The following EPSTI1 variants were observed in gnomAD, a reference collection of about 807,000 sequenced individuals.
EPSTI1 encodes epithelial-stromal interaction protein 1.
In EPSTI1, 66 loss-of-function variants were observed where a neutral mutation model predicts 49.9. The ratio of observed to expected loss-of-function variants is 1.32; its 90% CI spans 1.08 to 1.62. The LOEUF is 1.62. Among genes scored for constraint, EPSTI1 ranks in the 40% most tolerant of loss-of-function variants. The probability of loss-of-function intolerance (pLI) is 0.00; values close to 1 mark genes in which losing one functional copy is unlikely to be tolerated. For synonymous variants in EPSTI1, 137 were observed against 130.7 expected, an observed-to-expected ratio of 1.05 and a Z score of -0.33; for missense variants, 394 against 365.5, an observed-to-expected ratio of 1.08 and a Z score of -0.64.
intron 1 of EPSTI1, among the ~76,000 whole-genome samples, chr13:42,990,277 G>C (rs1444522663): frequency 6.6e-6 from 1 of 151,666 alleles, no homozygotes; most frequent in Non-Finnish European, 1.5e-5. Context: ...TCGCAAAATA[G>C]TGTACAGTGA....
intron 6 of EPSTI1, among the ~76,000 whole-genome samples, chr13:42,929,865 C>T (rs1477604854): frequency 6.6e-6 from 1 of 152,104 alleles, no homozygotes; most frequent in African/African-American, 2.4e-5. Flanking sequence ...TAGGGAAAGA[C>T]TTGGCAGATA....
At chr13:42,956,485 A>G (rs188428986) in intron 5 of EPSTI1, among the ~76,000 whole-genome samples, 211 of 152,340 alleles carry the variant, frequency 1.4e-3, no homozygotes, top group African/African-American at 4.9e-3. Flanking sequence ...TGTTCAGCCC[A>G]TGGGGTCCCA....
intron 4 of EPSTI1, 87 bp downstream of exon 4, chr13:42,963,979 A>T (rs1180624585): frequency 8.5e-7 from 1 of 1,180,730 alleles, no homozygotes; most frequent in Non-Finnish European, 1.2e-6. Context: ...TACTTTTGGT[A>T]AAGTTACTGT....
intron 6 of EPSTI1, among the ~76,000 whole-genome samples, chr13:42,939,311 T>C (rs1383739103): frequency 2.0e-5 from 3 of 152,214 alleles, no homozygotes; most frequent in African/African-American, 4.8e-5. Flanking sequence ...TTTGAGAACT[T>C]TTCTTTTGCT....
intron 6 of EPSTI1, among the ~76,000 whole-genome samples, chr13:42,928,057 C>T (rs2038239048): frequency 6.6e-6 from 1 of 152,218 alleles, no homozygotes; most frequent in Non-Finnish European, 1.5e-5. Context: ...CACAAAGCTG[C>T]CTGCAGAGCC....
chr13:42,991,041 C>G (rs925433793), intron 1 of EPSTI1: 1 of 152,264 alleles, frequency 6.6e-6, no homozygotes, highest in African/African-American at 2.4e-5. Flanking sequence ...AGCTACCTAT[C>G]TGTTCCTGCA....
At chr13:42,989,397 A>G (rs2040145913) in intron 1 of EPSTI1, among the ~76,000 whole-genome samples, 1 of 152,140 alleles carries the variant, frequency 6.6e-6, no homozygotes, top group South Asian at 2.1e-4. Context: ...ACTTGAACCC[A>G]GGTCTACCCA....
chr13:42,975,056 G>GA (rs1244311347), intron 1 of EPSTI1, among the ~76,000 whole-genome samples: 7 of 149,216 alleles, frequency 4.7e-5, no homozygotes, highest in South Asian at 2.1e-4. Flanking sequence ...TATATAAATT[G>GA]AAAAAAAAAG....
In EPSTI1 at chr13:42,961,567, T is replaced by C. The variant is rs560399338; in HGVS notation, c.489+1688A>G. Among the ~76,000 whole-genome samples, 3 of 152,316 alleles carry C rather than the reference T, an allele frequency of 2.0e-5. No individual in the cohort carries two copies. In the South Asian group the frequency reaches 6.2e-4, roughly 32 times the overall value. ...CCTGGGCCCCACTGACATGACTGGA[T>C]ACTAAAGAGCTGGTTGACTTTCACA... On this transcript the variant is annotated intron_variant, in intron 5 of 10. Coordinates refer to ENST00000313624, the MANE Select transcript of EPSTI1 (RefSeq NM_033255.5).
rs536166467 is a variant in EPSTI1 at position 42,932,166 on chromosome 13, C to T, written c.564-5737G>A. 1.8e-4 allele frequency among the ~76,000 whole-genome samples: 28 copies of T among 152,170 alleles called. 1 individual carries two copies. The highest frequency in any genetic ancestry group is 6.5e-4 in the African/African-American group (27 of 41,506). On this transcript the variant is annotated intron_variant, in intron 6 of 10. Transcript: ENST00000313624. ...CGGGCTGATCTCAAACTTCTGGCCT[C>T]AAGTGATCCTCCCACCTCAGCCTCC... is the stretch of plus-strand genomic sequence containing the variant.
intron 6 of EPSTI1, among the ~76,000 whole-genome samples, chr13:42,953,162 G>T (rs921530581): frequency 6.6e-5 from 10 of 151,534 alleles, no homozygotes; most frequent in African/African-American, 2.4e-4. Context: ...CATTTCAAGT[G>T]CCTGTAATAG....
intron 5 of EPSTI1, among the ~76,000 whole-genome samples, chr13:42,961,159 G>C (rs2039437115): frequency 1.3e-5 from 2 of 152,142 alleles, no homozygotes; most frequent in South Asian, 4.2e-4. Flanking sequence ...TTAGAATATG[G>C]GTGGTAGGGG....
intron 2 of EPSTI1, 117 bp downstream of exon 2, chr13:42,970,495 C>A: frequency 4.8e-6 from 4 of 837,344 alleles, no homozygotes; most frequent in African/African-American, 1.8e-5. Flanking sequence ...AAACAAAAAA[C>A]CTTGATGAGA....
At chr13:42,982,765 T>C (rs1566180993) in intron 1 of EPSTI1, among the ~76,000 whole-genome samples, 1 of 150,256 alleles carries the variant, frequency 6.7e-6, no homozygotes. Flanking sequence ...TCTGACCTTC[T>C]CCCATCTTTT....
At chr13:42,923,868 C>T (rs2038092608) in intron 7 of EPSTI1, among the ~76,000 whole-genome samples, 1 of 152,152 alleles carries the variant, frequency 6.6e-6, no homozygotes, top group South Asian at 2.1e-4. Context: ...GGCAGATCCA[C>T]TTTTAAAGGA....
intron 10 of EPSTI1, among the ~76,000 whole-genome samples, chr13:42,889,544 T>C (rs1290872826): frequency 6.6e-6 from 1 of 152,210 alleles, no homozygotes; most frequent in Admixed American, 6.5e-5. Context: ...AATTGAGGCA[T>C]AGCTTTCCTC....
intron 1 of EPSTI1, among the ~76,000 whole-genome samples, chr13:42,988,112 C>T (rs931239215): frequency 1.3e-5 from 2 of 152,196 alleles, no homozygotes; most frequent in African/African-American, 4.8e-5. Flanking sequence ...TAGACAAGTA[C>T]ATGAATGTGA....
chr13:42,955,161 A>T (rs762241550), intron 5 of EPSTI1, among the ~76,000 whole-genome samples: 2 of 152,214 alleles, frequency 1.3e-5, no homozygotes, highest in Non-Finnish European at 2.9e-5. Context: ...TAGGAGGCAA[A>T]CTAATGGAAA....
chr13:42,927,651 A>G (rs916367086), intron 6 of EPSTI1, among the ~76,000 whole-genome samples: 4 of 152,212 alleles, frequency 2.6e-5, no homozygotes, highest in Non-Finnish European at 5.9e-5. Flanking sequence ...AGAACATGGC[A>G]TTTGAAAAAG....
Sources: gnomAD v4.1 joint callset for allele counts (sites outside exome capture counted in the v4.1 genomes callset) on GRCh38, gnomAD v4.1.1 for gene constraint, MANE v1.5 for transcripts, NCBI Gene and HGNC (gene_info 2026-07-23, HGNC 2026-07-21) for gene names.